SHANK2: variants seen among roughly 807,000 people sequenced by gnomAD.
The protein encoded by SHANK2 is SH3 and multiple ankyrin repeat domains protein 2.
Under a neutral mutation model 133.7 loss-of-function variants are expected in SHANK2, and 43 were observed. That is an observed-to-expected ratio of 0.32 (90% CI 0.25 to 0.41). The LOEUF is 0.41. Ranked by LOEUF, SHANK2 falls within the 10% of genes least tolerant of loss-of-function variation. The pLI is 1.00. For synonymous variants in SHANK2, 1,017 were observed against 952.8 expected (o/e 1.07, Z -1.24); for missense variants, 1,994 against 2,235.8 (o/e 0.89, Z 2.18).
intron 10 of SHANK2, among the ~76,000 whole-genome samples, chr11:70,944,491 AC>A (rs1555085029): frequency 6.6e-6 from 1 of 152,228 alleles, no homozygotes; most frequent in East Asian, 1.9e-4. Flanking sequence ...CACCTCTGGG[AC>A]CGTCTCACTG....
chr11:71,250,776 G>A lies in SHANK2; in HGVS notation c.-113+1649C>T, dbSNP rs535107688. Among the ~76,000 whole-genome samples the A allele has an allele frequency of 6.6e-5, 10 of 152,216 alleles. No homozygotes were observed. In the South Asian group the frequency reaches 1.9e-3, roughly 28 times the overall value. On this transcript the variant is annotated intron_variant, in intron 1 of 25. Coordinates refer to ENST00000601538, the MANE Select transcript of SHANK2 (RefSeq NM_012309.5). ...ACCGGGGTTAAGGCTGAATCTGCCA[G>A]GTCCTTTTCCAGGGGCGCAGAACTT...
intron 1 of SHANK2, among the ~76,000 whole-genome samples, chr11:71,229,633 G>A (rs1954705069): frequency 6.6e-6 from 1 of 151,896 alleles, no homozygotes; most frequent in South Asian, 2.1e-4. Context: ...GCTGGTGCAT[G>A]CCTGTAATCC....
chr11:70,624,621 GGGAACCAGAGGA>G (rs1410025240), intron 17 of SHANK2, among the ~76,000 whole-genome samples: 2 of 152,106 alleles, frequency 1.3e-5, no homozygotes, highest in Non-Finnish European at 2.9e-5. Flanking sequence ...CCAAACCCCA[GGGAACCAGAGGA>G]GGAACCAGGG....
At chr11:70,944,625 C>T (rs60553840) in intron 10 of SHANK2, among the ~76,000 whole-genome samples, 1,878 of 152,288 alleles carry the variant, frequency 0.012, 35 homozygotes, top group African/African-American at 0.041. Context: ...TTTAAGATTG[C>T]GTTTCTGTTT....
At chr11:70,861,852 T>C (rs782769868) in intron 11 of SHANK2, among the ~76,000 whole-genome samples, 1 of 152,112 alleles carries the variant, frequency 6.6e-6, no homozygotes, top group Admixed American at 6.5e-5. Context: ...AAATGAGTGA[T>C]CCAACTGGGA....
chr11:70,684,359 C>T (rs1439221937), intron 15 of SHANK2, among the ~76,000 whole-genome samples: 1 of 152,084 alleles, frequency 6.6e-6, no homozygotes, highest in African/African-American at 2.4e-5. Context: ...GAGTTCAAGA[C>T]CAGCTTGGGC....
chr11:71,177,360 A>G (rs1444063677), intron 2 of SHANK2, among the ~76,000 whole-genome samples: 4 of 152,200 alleles, frequency 2.6e-5, no homozygotes, highest in African/African-American at 9.6e-5. Flanking sequence ...CATATAGAAG[A>G]AAAATATACA....
intron 4 of SHANK2, among the ~76,000 whole-genome samples, chr11:71,118,501 A>C (rs1433783964): frequency 1.3e-5 from 2 of 152,148 alleles, no homozygotes; most frequent in African/African-American, 4.8e-5. Context: ...AGACACTTAT[A>C]ATAAAACCAT....
At chr11:71,193,659 A>G (rs1953839272) in intron 2 of SHANK2, among the ~76,000 whole-genome samples, 1 of 152,152 alleles carries the variant, frequency 6.6e-6, no homozygotes, top group South Asian at 2.1e-4. Flanking sequence ...GGCCCTGGGC[A>G]CCTGCACGAG....
At chr11:70,508,669 G>A (rs2059163254) in intron 17 of SHANK2, among the ~76,000 whole-genome samples, 1 of 152,142 alleles carries the variant, frequency 6.6e-6, no homozygotes, top group African/African-American at 2.4e-5. Flanking sequence ...GAGGTGGGTG[G>A]GTTGCTCAAG....
intron 2 of SHANK2, among the ~76,000 whole-genome samples, chr11:71,153,318 C>G (rs1163966152): frequency 1.3e-5 from 2 of 152,066 alleles, no homozygotes; most frequent in Admixed American, 6.5e-5. Flanking sequence ...GGCCATAAAA[C>G]CCCAGGTCCA....
At chr11:70,781,237 C>T (rs557636787) in intron 14 of SHANK2, among the ~76,000 whole-genome samples, 2 of 152,052 alleles carry the variant, frequency 1.3e-5, no homozygotes, top group South Asian at 4.2e-4. Context: ...ATACTGAACA[C>T]ACAGTTCACG....
chr11:71,088,800 C>T (rs950240482), intron 8 of SHANK2, among the ~76,000 whole-genome samples: 5 of 148,368 alleles, frequency 3.4e-5, no homozygotes, highest in Middle Eastern at 3.6e-3. Context: ...CTGCACCACC[C>T]CACCAGGGGC....
intron 25 of SHANK2, among the ~76,000 whole-genome samples, chr11:70,483,578 G>C (rs2058763868): frequency 6.7e-6 from 1 of 148,948 alleles, no homozygotes; most frequent in Non-Finnish European, 1.5e-5. Context: ...GGGTGTGGTG[G>C]CATGCGTCTA....
intron 10 of SHANK2, among the ~76,000 whole-genome samples, chr11:70,950,520 A>G (rs540414797): frequency 2.4e-4 from 37 of 152,318 alleles, no homozygotes; most frequent in African/African-American, 8.9e-4. Flanking sequence ...AAGGGCACGA[A>G]TCCCATCACG....
chr11:70,620,385 A>G (rs1300874774), intron 17 of SHANK2, among the ~76,000 whole-genome samples: 3 of 152,080 alleles, frequency 2.0e-5, no homozygotes. Flanking sequence ...AGAAATGGAG[A>G]TTTTGGTGGC....
At chr11:70,888,419 GC>G (rs1380252739) in intron 11 of SHANK2, among the ~76,000 whole-genome samples, 2 of 152,218 alleles carry the variant, frequency 1.3e-5, no homozygotes, top group East Asian at 3.9e-4. Context: ...ATAAAACATT[GC>G]CCTCTCGCAA....
chr11:70,949,403 C>T (rs1276191880), intron 10 of SHANK2, among the ~76,000 whole-genome samples: 1 of 152,246 alleles, frequency 6.6e-6, no homozygotes, highest in Non-Finnish European at 1.5e-5. Flanking sequence ...CCCTGGGCTG[C>T]ACAAGCTCAG....
At chr11:70,642,355 G>T (rs1311627643) in intron 17 of SHANK2, among the ~76,000 whole-genome samples, 4 of 150,838 alleles carry the variant, frequency 2.7e-5, no homozygotes, top group Non-Finnish European at 5.9e-5. Flanking sequence ...GGGGGGTGGG[G>T]GGGAAATGCC....
Sources: allele counts gnomAD v4.1 joint callset (sites outside exome capture counted in the v4.1 genomes callset), GRCh38; gene constraint gnomAD v4.1.1; transcripts MANE v1.5; gene names NCBI Gene and HGNC (gene_info 2026-07-23, HGNC 2026-07-21).